Variants in ZNF124 observed in about 807,000 individuals in gnomAD.
ZNF124 encodes the protein zinc finger protein 124, also known as zinc finger protein HZF-16.
ZNF124 carries 25 observed loss-of-function variants against 26.6 expected under a neutral mutation model. The ratio of observed to expected loss-of-function variants is 0.94; its 90% CI spans 0.68 to 1.31. The LOEUF (loss-of-function observed/expected upper bound fraction) is 1.31, where lower values mean the gene tolerates loss of function less well. ZNF124 is among the 40% of genes most tolerant of loss of function. The pLI is 0.00. For missense variants in ZNF124, 444 were observed against 422.2 expected (o/e 1.05, Z -0.45); for synonymous variants, 129 against 133.3 (o/e 0.97, Z 0.22).
intron 3 of ZNF124, among the ~76,000 whole-genome samples, chr1:247,136,993 A>G (rs1672500881): frequency 6.6e-6 from 1 of 151,962 alleles, no homozygotes; most frequent in Non-Finnish European, 1.5e-5. Flanking sequence ...CAATATACCC[A>G]AGACAATCCT....
intron 3 of ZNF124, among the ~76,000 whole-genome samples, chr1:247,142,005 G>A (rs539115951): frequency 4.6e-4 from 70 of 152,312 alleles, no homozygotes; most frequent in African/African-American, 1.6e-3. Flanking sequence ...AGGTGGCCTG[G>A]GTTCCCTGCT....
At chr1:247,163,641 A>G (rs1673619510) in intron 1 of ZNF124, among the ~76,000 whole-genome samples, 1 of 152,290 alleles carries the variant, frequency 6.6e-6, no homozygotes, top group African/African-American at 2.4e-5. Flanking sequence ...TTAATCAGTA[A>G]TAATAAACCT....
At chr1:247,142,197 A>G (rs532166019) in intron 3 of ZNF124, among the ~76,000 whole-genome samples, 2 of 152,342 alleles carry the variant, frequency 1.3e-5, no homozygotes, top group Non-Finnish European at 2.9e-5. Flanking sequence ...AGCAAAGAAA[A>G]CAGGTCTGGG....
rs140950036 is a variant in ZNF124, at chr1:247,168,931, A to G, written c.30+2917T>C. ...AGGTGACAGGACCAAAATCTCAGCAATCACCACTAGAGAGCTTATCCTTGT... is the reference window on the plus strand; with the variant it reads ...AGGTGACAGGACCAAAATCTCAGCAGTCACCACTAGAGAGCTTATCCTTGT... On this transcript the variant is annotated intron_variant, in intron 1 of 3. Coordinates refer to ENST00000543802, the MANE Select transcript of ZNF124 (RefSeq NM_001297568.2). The surrounding 1 kb of genome is among the most constrained non-coding windows in gnomAD (Gnocchi z 4.0). Among the ~76,000 whole-genome samples the G allele has an allele frequency of 1.6e-3, 242 of 152,250 alleles. 1 individual carries two copies. The highest frequency in any genetic ancestry group is 5.5e-3 in the African/African-American group (229 of 41,528).
In ZNF124 at chr1:247,157,017, C is replaced by A. The variant is rs1454475623; in HGVS notation, c.605G>T (p.Gly202Val). ...HLRDHERTHT[G>V]EKPYECKHCG... ...GTGCTTACATTCATAGGGTTTCTCT[C>A]CAGTATGAGTTCTTTCATGGTCACG... The change falls in exon 4 of 4, where the codon GGA (glycine) becomes GTA (valine). Residue 202 changes from glycine (G) to valine (V), a missense_variant. Coordinates refer to ENST00000543802, the MANE Select transcript of ZNF124 (RefSeq NM_001297568.2). The A allele has an allele frequency of 6.2e-7, 1 of 1,613,698 alleles. No homozygotes were observed. Among genetic ancestry groups the A allele is most frequent in the African/African-American group, 1.3e-5 (1 of 74,806 alleles).
intron 3 of ZNF124, among the ~76,000 whole-genome samples, chr1:247,131,260 T>C (rs1182018944): frequency 1.3e-5 from 2 of 151,574 alleles, no homozygotes; most frequent in Non-Finnish European, 2.9e-5. Flanking sequence ...AGTGAGTGAG[T>C]GCGCTACCCA....
chr1:247,167,953 C>T (rs903621463), intron 1 of ZNF124, among the ~76,000 whole-genome samples: 6 of 152,132 alleles, frequency 3.9e-5, no homozygotes, highest in African/African-American at 1.4e-4. Flanking sequence ...TGAAAAAATG[C>T]TCAACATCAC....
At chr1:247,152,394 G>A (rs375081761), downstream of ZNF124, among the ~76,000 whole-genome samples, 2 of 151,200 alleles carry the variant, frequency 1.3e-5, no homozygotes, top group Non-Finnish European at 2.9e-5. Flanking sequence ...TAGTACAAAA[G>A]ATAAAAAGAA....
chr1:247,148,085 A>G (rs1319871498), intron 3 of ZNF124, among the ~76,000 whole-genome samples: 4 of 152,188 alleles, frequency 2.6e-5, no homozygotes, highest in Non-Finnish European at 4.4e-5. Flanking sequence ...AGTATTTTCT[A>G]TTTATCCAAA....
At chr1:247,167,697 A>G (rs1204857455) in intron 1 of ZNF124, among the ~76,000 whole-genome samples, 1 of 152,230 alleles carries the variant, frequency 6.6e-6, no homozygotes, top group African/African-American at 2.4e-5. Context: ...GCAAATGCAC[A>G]AAAACAAAAA....
chr1:247,151,272 A>G (rs903960048), downstream of ZNF124, among the ~76,000 whole-genome samples: 108 of 151,940 alleles, frequency 7.1e-4, no homozygotes, highest in Non-Finnish European at 4.6e-4. Context: ...GAGGTCAGGA[A>G]ATCGAGACCA....
chr1:247,136,365 A>T (rs1672483707), intron 3 of ZNF124, among the ~76,000 whole-genome samples: 1 of 152,218 alleles, frequency 6.6e-6, no homozygotes, highest in Non-Finnish European at 1.5e-5. Flanking sequence ...GCAAGCAGAG[A>T]GTCAAATCAT....
chr1:247,163,869 A>C (rs1379992117), intron 1 of ZNF124, among the ~76,000 whole-genome samples: 1 of 152,202 alleles, frequency 6.6e-6, no homozygotes, highest in Non-Finnish European at 1.5e-5. Context: ...ATCCTTGATG[A>C]ACATAGATGA....
chr1:247,151,750 C>T (rs1672951703), downstream of ZNF124, among the ~76,000 whole-genome samples: 1 of 151,952 alleles, frequency 6.6e-6, no homozygotes, highest in Non-Finnish European at 1.5e-5. Context: ...TCAACTAAAA[C>T]ACATGCATAT....
chr1:247,125,125 T>A (rs1160361645), intron 3 of ZNF124, among the ~76,000 whole-genome samples: 1 of 152,124 alleles, frequency 6.6e-6, no homozygotes, highest in Non-Finnish European at 1.5e-5. Context: ...TATGGGTGAA[T>A]AAGATTTCAT....
At chr1:247,157,947 T>G (rs1673246554) in intron 3 of ZNF124, among the ~76,000 whole-genome samples, 1 of 138,126 alleles carries the variant, frequency 7.2e-6, no homozygotes. Context: ...AAGATCCGAT[T>G]GTTAAAAAAA....
chr1:247,140,290 T>C (rs1014462028), intron 3 of ZNF124, among the ~76,000 whole-genome samples: 1 of 152,266 alleles, frequency 6.6e-6, no homozygotes, highest in Non-Finnish European at 1.5e-5. Flanking sequence ...TACTTGTGAC[T>C]GCATTATGAA....
chr1:247,134,255 T>A (rs1672434702), intron 3 of ZNF124, among the ~76,000 whole-genome samples: 1 of 152,108 alleles, frequency 6.6e-6, no homozygotes, highest in Non-Finnish European at 1.5e-5. Context: ...CACATAATAA[T>A]AATAACCTTA....
At chr1:247,143,738 A>C (rs1390746461) in intron 3 of ZNF124, among the ~76,000 whole-genome samples, 1 of 152,192 alleles carries the variant, frequency 6.6e-6, no homozygotes, top group Non-Finnish European at 1.5e-5. Context: ...TCTTTGGTTT[A>C]CCCAAGTATT....
Sources: allele counts gnomAD v4.1 joint callset (sites outside exome capture counted in the v4.1 genomes callset), GRCh38; gene constraint gnomAD v4.1.1; non-coding constraint Gnocchi (gnomAD v3.1); transcripts MANE v1.5; gene names NCBI Gene and HGNC (gene_info 2026-07-23, HGNC 2026-07-21).